The following FRAS1 variants were observed in gnomAD, a reference collection of about 807,000 sequenced individuals.
FRAS1 encodes the protein Fraser extracellular matrix complex subunit 1.
FRAS1 carries 290 observed loss-of-function variants against 435.2 expected under a neutral mutation model. That is an observed-to-expected ratio of 0.67 (90% CI 0.61 to 0.73). The LOEUF (loss-of-function observed/expected upper bound fraction) is 0.73, where lower values mean the gene tolerates loss of function less well. FRAS1 is among the 30% of genes least tolerant of loss of function. FRAS1 has a pLI of 0.00. For synonymous variants in FRAS1, 1,800 were observed against 1,851.0 expected, an observed-to-expected ratio of 0.97 and a Z score of 0.71; for missense variants, 4,860 against 5,001.5, an observed-to-expected ratio of 0.97 and a Z score of 0.85.
At chr4:78,191,787 C>T (rs997038511) in intron 2 of FRAS1, among the ~76,000 whole-genome samples, 41 of 151,768 alleles carry the variant, frequency 2.7e-4, no homozygotes, top group African/African-American at 5.8e-4. Flanking sequence ...TGAGAACATG[C>T]GGTATTTGGT....
chr4:78,428,471 C>T (rs901261934), intron 35 of FRAS1, among the ~76,000 whole-genome samples: 4 of 152,116 alleles, frequency 2.6e-5, no homozygotes, highest in East Asian at 1.9e-4. Flanking sequence ...TGCAGGTGCC[C>T]GCCAACATGC....
chr4:78,258,655 T>A (rs944347784), intron 6 of FRAS1, among the ~76,000 whole-genome samples: 6 of 148,930 alleles, frequency 4.0e-5, no homozygotes, highest in Non-Finnish European at 8.9e-5. Flanking sequence ...TTTAAATTTT[T>A]ATTTTTTTCA....
intron 38 of FRAS1, among the ~76,000 whole-genome samples, chr4:78,435,758 C>G (rs1011811678): frequency 5.3e-5 from 8 of 151,090 alleles, no homozygotes; most frequent in African/African-American, 1.9e-4. Context: ...AAAAAACAAC[C>G]AGTCATAGCA....
At chr4:78,076,586 T>G (rs192074148) in intron 2 of FRAS1, among the ~76,000 whole-genome samples, 151 of 152,342 alleles carry the variant, frequency 9.9e-4, no homozygotes, top group African/African-American at 3.5e-3. Context: ...TATTGTTTGC[T>G]TCTAGGATTT....
At chr4:78,354,023 T>TAAAAAAAAAAAAAAAAAAAAA (rs767987937) in intron 20 of FRAS1, among the ~76,000 whole-genome samples, 1 of 105,958 alleles carries the variant, frequency 9.4e-6, no homozygotes. Flanking sequence ...AAAAATAAAA[T>TAAAAAAAAAAAAAAAAAAAAA]AAAAAAAAAA....
intron 2 of FRAS1, among the ~76,000 whole-genome samples, chr4:78,233,339 T>C (rs1724594768): frequency 1.3e-5 from 2 of 152,250 alleles, no homozygotes; most frequent in South Asian, 4.1e-4. Flanking sequence ...CAAGTTGTCT[T>C]GAAAACTCAA....
chr4:78,407,828 C>A lies in FRAS1; in HGVS notation c.4295C>A (p.Ser1432Tyr). The change falls in exon 31 of 74, where the codon TCC becomes TAC. Residue 1432 changes from serine to tyrosine, a missense_variant. By Grantham distance (144) the Ser-to-Tyr change is moderately radical (BLOSUM62 -2). Transcript: ENST00000512123. ...TCAGGAGCCCCAGCCCAGAGCGACT[C>A]CTTCCGCTTCGAGGTACCCTCTGCT... ...RHSGAPAQSD[S>Y]FRFEVSSASN... 2 of 1,600,986 alleles carry A rather than the reference C, an allele frequency of 1.2e-6. No homozygotes were observed. The highest frequency in any genetic ancestry group is 1.1e-5 in the South Asian group (1 of 88,448).
At chr4:78,500,163 AT>A (rs1720632859) in intron 61 of FRAS1, among the ~76,000 whole-genome samples, 1 of 152,314 alleles carries the variant, frequency 6.6e-6, no homozygotes, top group African/African-American at 2.4e-5. Flanking sequence ...ATTTAAAAGA[AT>A]TTTTTGTTAG....
intron 70 of FRAS1, among the ~76,000 whole-genome samples, chr4:78,529,566 A>G (rs1411104212): frequency 6.6e-6 from 1 of 152,080 alleles, no homozygotes; most frequent in Non-Finnish European, 1.5e-5. Context: ...ATACTTCTAC[A>G]TGGTTTTGCA....
At chr4:78,485,442 T>A (rs1720140649) in intron 58 of FRAS1, among the ~76,000 whole-genome samples, 1 of 152,206 alleles carries the variant, frequency 6.6e-6, no homozygotes, top group Non-Finnish European at 1.5e-5. Context: ...AAAAATTTTC[T>A]TTCAGAAAAG....
chr4:78,450,156 G>A lies in FRAS1; in HGVS notation c.6280G>A (p.Val2094Ile), dbSNP rs763510774. ...NQGLQLSAGS[V>I]ARITEQHLKV... ...CTCTTCCGTTCTCTTCCAAGGGTCT[G>A]TAGCACGCATCACAGAACAGCACTT... is the stretch of plus-strand genomic sequence containing the variant. Residue 2094 changes from valine (V) to isoleucine (I), a missense_variant, in exon 45 of 74, where the codon GTA becomes ATA. Physicochemically the swap from Val to Ile is conservative, Grantham distance 29. Coordinates refer to ENST00000512123, the MANE Select transcript of FRAS1 (RefSeq NM_025074.7). The A allele has an allele frequency of 6.2e-7, 1 of 1,613,104 alleles. No homozygotes were observed. Among genetic ancestry groups the A allele is most frequent in the Non-Finnish European group, 8.5e-7 (1 of 1,179,310 alleles).
intron 20 of FRAS1, among the ~76,000 whole-genome samples, chr4:78,340,346 A>G (rs1011343783): frequency 4.6e-5 from 7 of 152,232 alleles, no homozygotes; most frequent in African/African-American, 1.7e-4. Context: ...GACTGGTGTA[A>G]TAGTATTTAT....
At chr4:78,483,778 C>T (rs1161281423) in intron 58 of FRAS1, among the ~76,000 whole-genome samples, 1 of 76,136 alleles carries the variant, frequency 1.3e-5, no homozygotes, top group African/African-American at 4.0e-5. Context: ...CTCTCTCTCT[C>T]TCTCTATATA....
At chr4:78,334,686 A>G (rs1232211515) in intron 19 of FRAS1, among the ~76,000 whole-genome samples, 1 of 151,956 alleles carries the variant, frequency 6.6e-6, no homozygotes, top group Non-Finnish European at 1.5e-5. Flanking sequence ...GCAATTTTCT[A>G]TGTGATAAAA....
intron 19 of FRAS1, among the ~76,000 whole-genome samples, chr4:78,334,732 G>A (rs925857153): frequency 6.6e-6 from 1 of 151,682 alleles, no homozygotes; most frequent in Non-Finnish European, 1.5e-5. Context: ...TATATTTATC[G>A]TTTTCATGGC....
chr4:78,304,956 G>C (rs976966287), intron 14 of FRAS1, among the ~76,000 whole-genome samples: 2 of 151,972 alleles, frequency 1.3e-5, no homozygotes, highest in Non-Finnish European at 2.9e-5. Flanking sequence ...GTGATGTCAG[G>C]GTGTCAATTT....
intron 22 of FRAS1, among the ~76,000 whole-genome samples, chr4:78,365,750 AC>A (rs372011186): frequency 0.034 from 3,513 of 102,212 alleles, 243 homozygotes; most frequent in African/African-American, 0.16. Context: ...AAAAAAAAAA[AC>A]AAAAAAAAAA....
Position 78,448,086 on chromosome 4 carries a change from C to A in FRAS1, c.6044C>A (p.Pro2015His), listed in dbSNP as rs752927481. The A allele has an allele frequency of 7.4e-6, 12 of 1,612,618 alleles. No homozygotes were observed. The highest frequency in any genetic ancestry group is 1.0e-5 in the Non-Finnish European group (12 of 1,179,326). The change falls in exon 44 of 74, where the codon CCT (proline) becomes CAT (histidine). Residue 2015 changes from proline to histidine, a missense_variant. Pro to His is a moderately conservative substitution (Grantham distance 77). Transcript: ENST00000512123. ...CTCTGGAGGCAAACTGCTTCTGAGC[C>A]TCTGGAGAATGGGAGAGTTTTAGTC... ...HVLWRQTASE[P>H]LENGRVLVQG... is the part of the protein sequence containing the mutation.
chr4:78,316,886 A>C (rs977860494), intron 16 of FRAS1, among the ~76,000 whole-genome samples: 3 of 152,160 alleles, frequency 2.0e-5, no homozygotes, highest in African/African-American at 7.2e-5. Flanking sequence ...AAACTGCTCA[A>C]AATGCCAGTG....
Sources: allele counts gnomAD v4.1 joint callset (sites outside exome capture counted in the v4.1 genomes callset), GRCh38; gene constraint gnomAD v4.1.1; transcripts MANE v1.5; gene names NCBI Gene and HGNC (gene_info 2026-07-23, HGNC 2026-07-21).